The following MCM9 variants were observed in gnomAD, a reference collection of about 807,000 sequenced individuals.
MCM9 encodes the protein minichromosome maintenance 9 homologous recombination repair factor, also known as DNA helicase MCM9.
In MCM9, 55 loss-of-function variants were observed where a neutral mutation model predicts 72.8. The observed-to-expected ratio is 0.76, with a 90% CI of 0.61 to 0.95. MCM9 has a LOEUF of 0.95. Among genes scored for constraint, MCM9 ranks in the 40% least tolerant of loss-of-function variants. MCM9 has a pLI of 0.00. For synonymous variants in MCM9, 480 were observed against 503.4 expected, an observed-to-expected ratio of 0.95 and a Z score of 0.62; for missense variants, 1,279 against 1,377.0, an observed-to-expected ratio of 0.93 and a Z score of 1.13.
intron 8 of MCM9, among the ~76,000 whole-genome samples, chr6:118,882,734 T>C (rs2114398228): frequency 6.6e-6 from 1 of 152,178 alleles, no homozygotes; most frequent in African/African-American, 2.4e-5. Flanking sequence ...GTAAAGGCTG[T>C]TGCCTCTGAG....
intron 8 of MCM9, among the ~76,000 whole-genome samples, chr6:118,874,408 G>C (rs1478449320): frequency 6.6e-6 from 1 of 152,096 alleles, no homozygotes; most frequent in African/African-American, 2.4e-5. Context: ...AAAACTCTCA[G>C]AAAACTAAGA....
At chr6:118,856,792 G>C (rs1776582087) in intron 8 of MCM9, among the ~76,000 whole-genome samples, 1 of 152,018 alleles carries the variant, frequency 6.6e-6, no homozygotes, top group Admixed American at 6.6e-5. Context: ...GAGGCGGGAG[G>C]ATCGCTTGAG....
At chr6:118,874,265 A>G (rs1777798737) in intron 8 of MCM9, among the ~76,000 whole-genome samples, 1 of 152,158 alleles carries the variant, frequency 6.6e-6, no homozygotes. Context: ...AAAAAAATAA[A>G]ATAAAAAATC....
chr6:118,909,196 A>T (rs886213407), intron 8 of MCM9: 2 of 152,210 alleles, frequency 1.3e-5, no homozygotes, highest in Non-Finnish European at 2.9e-5. Flanking sequence ...ATATAATAGG[A>T]ACAACATATG....
At chr6:118,855,850 A>G (rs1374994417) in intron 9 of MCM9, among the ~76,000 whole-genome samples, 1 of 152,212 alleles carries the variant, frequency 6.6e-6, no homozygotes, top group East Asian at 1.9e-4. Flanking sequence ...CTTTATGTGT[A>G]GCCAGGGACT....
intron 13 of MCM9, among the ~76,000 whole-genome samples, chr6:118,819,434 G>C (rs796176885): frequency 3.0e-4 from 46 of 152,236 alleles, no homozygotes; most frequent in African/African-American, 9.4e-4. Flanking sequence ...GTTGATTTGT[G>C]TATGTTGAAC....
chr6:118,880,045 C>CA (rs1224007612), intron 8 of MCM9, among the ~76,000 whole-genome samples: 10 of 144,814 alleles, frequency 6.9e-5, no homozygotes, highest in Non-Finnish European at 1.1e-4. Flanking sequence ...AACAAACAAA[C>CA]AACAACAAAA....
intron 3 of MCM9, among the ~76,000 whole-genome samples, chr6:118,930,257 C>T (rs1374859324): frequency 6.6e-5 from 10 of 152,088 alleles, no homozygotes; most frequent in Admixed American, 6.5e-4. Flanking sequence ...ACTACAGGCG[C>T]CCGCCACCAT....
At chr6:118,923,442 G>A (rs892491320) in intron 4 of MCM9, among the ~76,000 whole-genome samples, 1 of 151,996 alleles carries the variant, frequency 6.6e-6, no homozygotes, top group African/African-American at 2.4e-5. Context: ...AAGCCACCAT[G>A]CCTGGCCACT....
intron 9 of MCM9, among the ~76,000 whole-genome samples, chr6:118,833,314 G>GA (rs1316950004): frequency 6.6e-6 from 1 of 151,840 alleles, no homozygotes; most frequent in African/African-American, 2.4e-5. Context: ...AAGTGTTAGG[G>GA]AAAAAAAATT....
At position 118,826,653 on chromosome 6, in the gene MCM9, A is replaced by C. The variant is rs1471060316; in HGVS notation, c.1815+129T>G. On this transcript the variant is annotated intron_variant, in intron 12 of 13. Coordinates refer to ENST00000619706, the MANE Select transcript of MCM9 (RefSeq NM_017696.3). The stretch of plus-strand genomic sequence containing the variant: ...CATTTAATCGGTTACCTTTGGATAT[A>C]TTTCCAGGAATTACTAAGTCTAGAA... 1.0e-5 allele frequency: 7 copies of C among 693,528 alleles called. No homozygotes were observed. The East Asian group carries it at 1.7e-4, about 16-fold the overall frequency. The allele number at this position is 693,528 out of a possible 1,614,324, so 43.0% of individuals were successfully genotyped here. A position where few individuals can be genotyped will look rare whatever the true frequency, so the allele number is the denominator to read the frequency against.
intron 8 of MCM9, chr6:118,907,519 C>T: frequency 6.2e-7 from 1 of 1,613,644 alleles, no homozygotes; most frequent in Non-Finnish European, 8.5e-7. Context: ...ACAGTCACTT[C>T]TTTCAACAGA....
intron 8 of MCM9, among the ~76,000 whole-genome samples, chr6:118,895,030 C>T (rs1197929954): frequency 1.3e-5 from 2 of 152,144 alleles, no homozygotes; most frequent in South Asian, 2.1e-4. Flanking sequence ...CGCCTGCCCC[C>T]GGCGAAAGGC....
chr6:118,900,621 G>A (rs913877573), intron 8 of MCM9: 1 of 632,852 alleles, frequency 1.6e-6, no homozygotes, highest in African/African-American at 1.8e-5. Context: ...AACTTTATAA[G>A]GAGCATTTCA....
chr6:118,902,352 A>C lies in MCM9; in HGVS notation c.1150+9298T>G, dbSNP rs539468662. 2.0e-5 allele frequency among the ~76,000 whole-genome samples: 3 copies of C among 152,212 alleles called. No homozygotes were observed. The South Asian group carries it at 6.2e-4, about 32-fold the overall frequency. On this transcript the variant is annotated intron_variant, in intron 8 of 13. Transcript: ENST00000619706. ...GGGGAATAAAACAGTATAATCAGTCACTCATAAAGAGTGCCCTATTCCTAA... is the reference window on the plus strand; with the variant it reads ...GGGGAATAAAACAGTATAATCAGTCCCTCATAAAGAGTGCCCTATTCCTAA...
At chr6:118,897,449 T>C (rs1022649289) in intron 8 of MCM9, among the ~76,000 whole-genome samples, 1 of 152,052 alleles carries the variant, frequency 6.6e-6, no homozygotes, top group Non-Finnish European at 1.5e-5. Flanking sequence ...AATTTATATA[T>C]ATATATATCT....
At chr6:118,848,594 A>G (rs1446121844) in intron 9 of MCM9, among the ~76,000 whole-genome samples, 1 of 151,834 alleles carries the variant, frequency 6.6e-6, no homozygotes, top group Non-Finnish European at 1.5e-5. Flanking sequence ...TTGCTATCCT[A>G]ATCTCCACAG....
chr6:118,923,789 T>A, intron 4 of MCM9, 22 bp downstream of exon 4: 1 of 1,599,878 alleles, frequency 6.3e-7, no homozygotes, highest in Non-Finnish European at 8.6e-7. Flanking sequence ...AATTTATTTA[T>A]CTCGTTTATG....
At chr6:118,910,855 T>C in intron 8 of MCM9, 4 of 985,392 alleles carry the variant, frequency 4.1e-6, no homozygotes, top group Non-Finnish European at 4.8e-6. Flanking sequence ...TTTTCTGTTG[T>C]ATGATAAATT....
Sources: allele counts gnomAD v4.1 joint callset (sites outside exome capture counted in the v4.1 genomes callset), GRCh38; gene constraint gnomAD v4.1.1; transcripts MANE v1.5; gene names NCBI Gene and HGNC (gene_info 2026-07-23, HGNC 2026-07-21).